The following MYO9A variants were observed in gnomAD, a reference collection of about 807,000 sequenced individuals.
The protein encoded by MYO9A is myosin IXA.
Under a neutral mutation model 293.3 loss-of-function variants are expected in MYO9A, and 103 were observed. The ratio of observed to expected loss-of-function variants is 0.35; its 90% confidence interval spans 0.30 to 0.41. The LOEUF (loss-of-function observed/expected upper bound fraction) is 0.41. MYO9A is among the 10% of genes least tolerant of loss of function. The pLI is 1.00. For synonymous variants in MYO9A, 1,001 were observed against 1,035.7 expected (o/e 0.97, Z 0.64); for missense variants, 2,685 against 3,033.0 (o/e 0.89, Z 2.69).
intron 1 of MYO9A, among the ~76,000 whole-genome samples, chr15:72,088,840 T>C (rs1439053818): frequency 3.3e-5 from 5 of 152,222 alleles, no homozygotes; most frequent in Admixed American, 2.6e-4. Context: ...ACTATCTAAA[T>C]ACAGTCCAGC....
chr15:71,997,943 C>T (rs1459687138), intron 9 of MYO9A, among the ~76,000 whole-genome samples: 5 of 152,124 alleles, frequency 3.3e-5, no homozygotes, highest in African/African-American at 4.8e-5. Flanking sequence ...AGTAAAACTA[C>T]TATTCAACCC....
chr15:72,110,133 A>C (rs536359153), intron 1 of MYO9A, among the ~76,000 whole-genome samples: 2 of 151,728 alleles, frequency 1.3e-5, no homozygotes, highest in Non-Finnish European at 2.9e-5. Flanking sequence ...GTCTCAAGAA[A>C]AAAACAAAAA....
At chr15:72,056,150 C>T (rs2078711983) in intron 1 of MYO9A, among the ~76,000 whole-genome samples, 1 of 152,168 alleles carries the variant, frequency 6.6e-6, no homozygotes. Flanking sequence ...ATCACTTGAA[C>T]CCGGGAGGCA....
chr15:71,826,553 G>GC lies in MYO9A; in HGVS notation c.*26dup. ...GGTGAGATTTGTTTACCACTCTGTA[G>GC]CCACGGAGGGACACACATCTGCCGG... is the stretch of plus-strand genomic sequence containing the variant. On this transcript the variant is annotated 3_prime_UTR_variant, in exon 42 of 42. Transcript: ENST00000356056. The GC allele has an allele frequency of 2.6e-6, 4 of 1,544,752 alleles. No homozygotes were observed. Among genetic ancestry groups the GC allele is most frequent in the Non-Finnish European group, 3.5e-6 (4 of 1,150,310 alleles).
At chr15:71,941,248 T>C (rs2146136905) in intron 15 of MYO9A, among the ~76,000 whole-genome samples, 1 of 152,132 alleles carries the variant, frequency 6.6e-6, no homozygotes, top group African/African-American at 2.4e-5. Context: ...CCAGCCTGGC[T>C]AACACGGTAA....
Position 71,991,237 on chromosome 15 carries a change from T to C in MYO9A, c.1588A>G (p.Thr530Ala). The change falls in exon 11 of 42, where the codon ACA becomes GCA. Residue 530 changes from threonine to alanine, a missense_variant and splice_region_variant. Thr to Ala is a moderately conservative substitution (Grantham distance 58). Around this residue, in one of 10 missense-constraint regions of MYO9A, gnomAD observed 201 missense variants for 245.2 expected, o/e 0.82. Coordinates refer to ENST00000356056, the MANE Select transcript of MYO9A (RefSeq NM_006901.4). ...NSKDLEHNTK[T>A]LSIGVLDIFG... ...ATATCAAGAACACCAATAGACAATG[T>C]CTGTAAAACAAGAGAAAGTTTTGAT... 6.3e-7 allele frequency: 1 copy of C among 1,577,346 alleles called. No homozygotes were observed. Among genetic ancestry groups the C allele is most frequent in the Non-Finnish European group, 8.6e-7 (1 of 1,164,124 alleles).
chr15:71,934,771 T>TTTTTCTTTTC (rs1381489867), intron 17 of MYO9A, among the ~76,000 whole-genome samples: 7 of 147,686 alleles, frequency 4.7e-5, no homozygotes, highest in Non-Finnish European at 8.9e-5. Flanking sequence ...TGGCTAATTT[T>TTTTTCTTTTC]TTTTCTTTTC....
chr15:71,867,130 G>A (rs2056356410), intron 32 of MYO9A, among the ~76,000 whole-genome samples: 1 of 151,410 alleles, frequency 6.6e-6, no homozygotes, highest in African/African-American at 2.4e-5. Flanking sequence ...AATTTAGAAT[G>A]TAAAAAGGGT....
intron 1 of MYO9A, among the ~76,000 whole-genome samples, chr15:72,089,276 C>T (rs890234801): frequency 6.6e-6 from 1 of 152,148 alleles, no homozygotes; most frequent in Admixed American, 6.5e-5. Flanking sequence ...AATCCTTCCA[C>T]CTCAGCCACC....
intron 14 of MYO9A, chr15:71,958,371 A>G (rs1596282292): frequency 6.6e-6 from 1 of 152,208 alleles, no homozygotes; most frequent in Admixed American, 6.5e-5. Flanking sequence ...AAAAGAGAGT[A>G]GGTAGGAAGC....
chr15:72,088,787 A>C (rs537449232), intron 1 of MYO9A, among the ~76,000 whole-genome samples: 1 of 152,286 alleles, frequency 6.6e-6, no homozygotes, highest in Non-Finnish European at 1.5e-5. Flanking sequence ...AGTTTGGAAA[A>C]CTCAAATGTT....
At chr15:71,949,421 G>GTT (rs1164123045) in intron 15 of MYO9A, among the ~76,000 whole-genome samples, 24 of 133,518 alleles carry the variant, frequency 1.8e-4, no homozygotes, top group African/African-American at 4.9e-4. Context: ...GTGTTTTTTT[G>GTT]TTTTTTTTTT....
chr15:72,007,658 G>T (rs2077055303), intron 8 of MYO9A, among the ~76,000 whole-genome samples, 168 bp downstream of exon 8: 2 of 152,096 alleles, frequency 1.3e-5, no homozygotes, highest in Admixed American at 1.3e-4. Context: ...GCAAACTGAG[G>T]CAGGTATCAG....
At chr15:71,861,149 G>T in intron 33 of MYO9A, among the ~76,000 whole-genome samples, 1 of 151,662 alleles carries the variant, frequency 6.6e-6, no homozygotes, top group East Asian at 1.9e-4. Context: ...TAATTTTTTA[G>T]ACTACTGATA....
intron 19 of MYO9A, among the ~76,000 whole-genome samples, chr15:71,905,514 G>A (rs1276658522): frequency 6.6e-6 from 1 of 151,956 alleles, no homozygotes; most frequent in African/African-American, 2.4e-5. Flanking sequence ...CCCAGGCATG[G>A]TGGCTCACGC....
intron 26 of MYO9A, chr15:71,890,274 T>C: frequency 6.6e-6 from 1 of 152,064 alleles, no homozygotes; most frequent in East Asian, 1.9e-4. Context: ...GACAGCAGTT[T>C]GGGGGGAATA....
intron 8 of MYO9A, among the ~76,000 whole-genome samples, chr15:72,000,971 T>C (rs564630736): frequency 6.6e-6 from 1 of 152,308 alleles, no homozygotes; most frequent in Admixed American, 6.5e-5. Flanking sequence ...AAAGTTTCTG[T>C]GAAGAACAAA....
chr15:71,893,521 C>G (rs575253112), intron 26 of MYO9A, 158 bp downstream of exon 26: 1 of 657,568 alleles, frequency 1.5e-6, no homozygotes, highest in East Asian at 2.8e-5. Flanking sequence ...TGGAGTACAC[C>G]TTCATAATTA....
intron 27 of MYO9A, among the ~76,000 whole-genome samples, chr15:71,884,976 T>TA (rs538847474): frequency 5.0e-5 from 7 of 139,522 alleles, no homozygotes; most frequent in East Asian, 2.0e-4. Flanking sequence ...TTTTTTTTTT[T>TA]AAAAAAAAGC....
Sources: gnomAD v4.1 joint callset for allele counts (sites outside exome capture counted in the v4.1 genomes callset) on GRCh38, gnomAD v4.1.1 for gene constraint, gnomAD v4.1.1 regional missense constraint, MANE v1.5 for transcripts, NCBI Gene and HGNC (gene_info 2026-07-23, HGNC 2026-07-21) for gene names.